The following NUDT16 variants were observed in gnomAD, a reference collection of about 807,000 sequenced individuals.
The protein encoded by NUDT16 is nudix hydrolase 16.
In NUDT16, 12 loss-of-function variants were observed where a neutral mutation model predicts 11.7. That is an observed-to-expected ratio of 1.03 (90% CI 0.66 to 1.67). NUDT16 has a LOEUF of 1.67. NUDT16 is among the 40% of genes most tolerant of loss of function. The probability of loss-of-function intolerance (pLI) is 0.00; values close to 1 mark genes in which losing one functional copy is unlikely to be tolerated. For missense variants in NUDT16, 303 were observed against 268.9 expected (o/e 1.13, Z -0.89); for synonymous variants, 129 against 122.6 (o/e 1.05, Z -0.35).
rs2097459601 is a variant in NUDT16, at chr3:131,385,823, G to C, written c.*2482G>C. On this transcript the variant is annotated 3_prime_UTR_variant, in exon 3 of 3. Transcript: ENST00000521288. ...GCTTCATCTGTGCTTTGTGCACTTG[G>C]TTCTCAGTCATCTCTGCAAGGGACC... 1 of 152,232 alleles carries C rather than the reference G, an allele frequency of 6.6e-6. No homozygotes were observed. Among genetic ancestry groups the C allele is most frequent in the African/African-American group, 2.4e-5 (1 of 41,430 alleles). 9.4% of individuals were successfully genotyped at this position (152,232 alleles called of 1,614,324 possible). A position where few individuals can be genotyped will look rare whatever the true frequency, so the allele number is the denominator to read the frequency against.
chr3:131,383,505 C>T lies in NUDT16; in HGVS notation c.*164C>T. On this transcript the variant is annotated 3_prime_UTR_variant, in exon 3 of 3. Coordinates refer to ENST00000521288, the MANE Select transcript of NUDT16 (RefSeq NM_152395.3). The surrounding 1 kb of genome is among the most constrained non-coding windows in gnomAD (Gnocchi z 4.4). Reference sequence around the variant, plus strand: ...CATATGTTTTGAGCAGAGGACCCTCCAACTTATGGCATCAGGGGCAAAAAG... The same window carrying T: ...CATATGTTTTGAGCAGAGGACCCTCTAACTTATGGCATCAGGGGCAAAAAG... 6.8e-7 allele frequency: 1 copy of T among 1,468,238 alleles called. No homozygotes were observed. Among genetic ancestry groups the T allele is most frequent in the Non-Finnish European group, 9.1e-7 (1 of 1,104,422 alleles). 91.0% of individuals were successfully genotyped at this position (1,468,238 alleles called of 1,614,324 possible).
In NUDT16 at chr3:131,381,833, G is replaced by C. The variant is rs1261131985; in HGVS notation, c.29G>C (p.Gly10Ala). 1 of 1,583,844 alleles carries C rather than the reference G, an allele frequency of 6.3e-7. No individual in the cohort carries two copies. Among genetic ancestry groups the C allele is most frequent in the Non-Finnish European group, 8.5e-7 (1 of 1,171,304 alleles). Residue 10 changes from glycine to alanine, a missense_variant, in exon 1 of 3, where the codon GGC (glycine) becomes GCC (alanine). By Grantham distance (60) the Gly-to-Ala change is moderately conservative (BLOSUM62 0). Transcript: ENST00000521288. MAGARRLEL[G>A]EALALGSGWR... ...GCCGGAGCCCGCAGGCTGGAGCTAGGCGAGGCCCTGGCGCTGGGGTCGGGC... is the reference window on the plus strand; with the variant it reads ...GCCGGAGCCCGCAGGCTGGAGCTAGCCGAGGCCCTGGCGCTGGGGTCGGGC...
At chr3:131,382,420 CT>C in intron 2 of NUDT16, 105 bp downstream of exon 2, 1 of 1,549,124 alleles carries the variant, frequency 6.5e-7, no homozygotes, top group African/African-American at 1.4e-5. Context: ...CCCCTCTGAC[CT>C]TGCCCTCTCC....
In NUDT16 at chr3:131,383,334, A is replaced by T; in HGVS notation, c.581A>T (p.His194Leu). Residue 194 changes from histidine (H) to leucine (L), a missense_variant, in exon 3 of 3, where the codon CAT (histidine) becomes CTT (leucine). His to Leu is a moderately conservative substitution (Grantham distance 99, BLOSUM62 -3). Transcript: ENST00000521288. The surrounding 1 kb of genome is among the most constrained non-coding windows in gnomAD (Gnocchi z 4.4). ...ATTTCAGGCCTTAAGATTCCAGCTCATCACTAGAGGCAGCCCTCCATGGAC... is the reference window on the plus strand; with the variant it reads ...ATTTCAGGCCTTAAGATTCCAGCTCTTCACTAGAGGCAGCCCTCCATGGAC... ...GSISGLKIPA[H>L]H 1 of 1,614,110 alleles carries T rather than the reference A, an allele frequency of 6.2e-7. No individual in the cohort carries two copies. Among genetic ancestry groups the T allele is most frequent in the Non-Finnish European group, 8.5e-7 (1 of 1,179,986 alleles).
chr3:131,381,981 C>G (rs1321962253), intron 1 of NUDT16, 39 bp downstream of exon 1: 1 of 1,597,070 alleles, frequency 6.3e-7, no homozygotes, highest in Non-Finnish European at 8.5e-7. Flanking sequence ...CTGCCTGAGC[C>G]CCGCACCCTC....
rs775948185 is a variant in NUDT16 at position 131,383,426 on chromosome 3, T to C, written c.*85T>C. ...GGAAGGACGTGGGAATGTTTTCTTA[T>C]TGGATCTGAGAGATGATACATGATA... is the stretch of plus-strand genomic sequence containing the variant. On this transcript the variant is annotated 3_prime_UTR_variant, in exon 3 of 3. Coordinates refer to ENST00000521288, the MANE Select transcript of NUDT16 (RefSeq NM_152395.3). This position sits in a 1 kb window ranked among gnomAD's most constrained non-coding sequence, Gnocchi z 4.4. 8 of 1,575,114 alleles carry C rather than the reference T, an allele frequency of 5.1e-6. No individual in the cohort carries two copies. The highest frequency in any genetic ancestry group is 1.3e-5 in the African/African-American group (1 of 74,356).
rs1287714487 is a variant in NUDT16 at position 131,383,190 on chromosome 3, A to G, written c.437A>G (p.Tyr146Cys). Reference protein sequence around the residue: ...EVLGLVRVPLYTLRDGVGGLP... With the variant: ...EVLGLVRVPLCTLRDGVGGLP... ...CTGGGCCTGGTGCGAGTGCCCCTGT[A>G]TACCCTGCGGGATGGTGTAGGAGGC... The change falls in exon 3 of 3, where the codon TAT (tyrosine) becomes TGT (cysteine). Residue 146 changes from tyrosine (Y) to cysteine (C), a missense_variant. Tyr to Cys is a radical substitution (Grantham distance 194, BLOSUM62 -2). Transcript: ENST00000521288. The surrounding 1 kb of genome is among the most constrained non-coding windows in gnomAD (Gnocchi z 4.4). The G allele has an allele frequency of 1.2e-6, 2 of 1,613,232 alleles. No homozygotes were observed. Among genetic ancestry groups the G allele is most frequent in the Admixed American group, 1.7e-5 (1 of 60,014 alleles).
Position 131,388,809 on chromosome 3 carries a change from T to C in NUDT16, c.*5468T>C, listed in dbSNP as rs2110664152. The C allele has an allele frequency of 6.6e-6, 1 of 152,296 alleles. No individual in the cohort carries two copies. Among genetic ancestry groups the C allele is most frequent in the Non-Finnish European group, 1.5e-5 (1 of 68,022 alleles). The allele number at this position is 152,296 out of a possible 1,614,324, so 9.4% of individuals were successfully genotyped here. A position where few individuals can be genotyped will look rare whatever the true frequency, so the allele number is the denominator to read the frequency against. On this transcript the variant is annotated 3_prime_UTR_variant, in exon 3 of 3. Transcript: ENST00000521288. ...ATAATAAATATTTTATAAATAACAA[T>C]AAATCATTTGATTTTATGCTAGTTC... is the stretch of plus-strand genomic sequence containing the variant.
In NUDT16 at chr3:131,383,148, C is replaced by G; in HGVS notation, c.409-14C>G. Reference sequence around the variant, plus strand: ...CCTGGGGCCCTAGTGTCTCCTGTCTCCTTCCTTTTACAGGTGCTGGGCCTG... The same window carrying G: ...CCTGGGGCCCTAGTGTCTCCTGTCTGCTTCCTTTTACAGGTGCTGGGCCTG... On this transcript the variant is annotated splice_polypyrimidine_tract_variant and intron_variant, in intron 2 of 2. Coordinates refer to ENST00000521288, the MANE Select transcript of NUDT16 (RefSeq NM_152395.3). This position sits in a 1 kb window ranked among gnomAD's most constrained non-coding sequence, Gnocchi z 4.4. The G allele has an allele frequency of 2.5e-6, 4 of 1,608,840 alleles. No individual in the cohort carries two copies. Among genetic ancestry groups the G allele is most frequent in the Non-Finnish European group, 3.4e-6 (4 of 1,177,668 alleles).
rs1006391275 is a variant in NUDT16 at position 131,383,614 on chromosome 3, G to A, written c.*273G>A. 12 of 622,538 alleles carry A rather than the reference G, an allele frequency of 1.9e-5. No individual in the cohort carries two copies. Among genetic ancestry groups the A allele is most frequent in the Non-Finnish European group, 2.8e-5 (10 of 358,720 alleles). 38.6% of individuals were successfully genotyped at this position (622,538 alleles called of 1,614,324 possible). A position where few individuals can be genotyped will look rare whatever the true frequency, so the allele number is the denominator to read the frequency against. ...ATGCGTACAGCCTGGTAACCCCCAGGCATGCAAATATACAATCTGTAACAA... is the reference window on the plus strand; with the variant it reads ...ATGCGTACAGCCTGGTAACCCCCAGACATGCAAATATACAATCTGTAACAA... On this transcript the variant is annotated 3_prime_UTR_variant, in exon 3 of 3. Coordinates refer to ENST00000521288, the MANE Select transcript of NUDT16 (RefSeq NM_152395.3). The surrounding 1 kb of genome is among the most constrained non-coding windows in gnomAD (Gnocchi z 4.4).
Position 131,383,374 on chromosome 3 carries a change from A to C in NUDT16, c.*33A>C, listed in dbSNP as rs2097457456. The C allele has an allele frequency of 6.2e-7, 1 of 1,613,166 alleles. No individual in the cohort carries two copies. The highest frequency in any genetic ancestry group is 8.5e-7 in the Non-Finnish European group (1 of 1,179,752). ...CCTCCATGGACCCATGAAAACTGAG[A>C]TGAGGACCTTGGTACTAGGGAGGGA... On this transcript the variant is annotated 3_prime_UTR_variant, in exon 3 of 3. Transcript: ENST00000521288. This position sits in a 1 kb window ranked among gnomAD's most constrained non-coding sequence, Gnocchi z 4.4.
chr3:131,383,556 C>A lies in NUDT16; in HGVS notation c.*215C>A. The stretch of plus-strand genomic sequence containing the variant: ...TCACAGCTTATCCCAGGCACCCTGG[C>A]AGGTTCTCAGAGCCTGCCTCCTCCC... On this transcript the variant is annotated 3_prime_UTR_variant, in exon 3 of 3. Coordinates refer to ENST00000521288, the MANE Select transcript of NUDT16 (RefSeq NM_152395.3). This position sits in a 1 kb window ranked among gnomAD's most constrained non-coding sequence, Gnocchi z 4.4. The A allele has an allele frequency of 4.6e-6, 5 of 1,081,386 alleles. No homozygotes were observed. The highest frequency in any genetic ancestry group is 1.6e-5 in the African/African-American group (1 of 63,268). The allele number at this position is 1,081,386 out of a possible 1,614,324, so 67.0% of individuals were successfully genotyped here.
chr3:131,383,254 G>A lies in NUDT16; in HGVS notation c.501G>A (p.Ala167=), dbSNP rs148464732. The A allele has an allele frequency of 2.9e-4, 461 of 1,614,020 alleles. 1 individual carries two copies. Among genetic ancestry groups the A allele is most frequent in the Middle Eastern group, 2.8e-3 (17 of 6,080 alleles). ...TFLENSFIGS[A]REQLLEALQD... ...TGGAGAATTCCTTTATTGGCTCTGC[G>A]CGGGAGCAGTTACTTGAAGCTCTCC... The change falls in exon 3 of 3, where the codon GCG becomes GCA. Residue 167 remains alanine (A), a synonymous_variant. Coordinates refer to ENST00000521288, the MANE Select transcript of NUDT16 (RefSeq NM_152395.3). This position sits in a 1 kb window ranked among gnomAD's most constrained non-coding sequence, Gnocchi z 4.4.
chr3:131,383,668 T>C lies in NUDT16; in HGVS notation c.*327T>C. On this transcript the variant is annotated 3_prime_UTR_variant, in exon 3 of 3. Coordinates refer to ENST00000521288, the MANE Select transcript of NUDT16 (RefSeq NM_152395.3). This position sits in a 1 kb window ranked among gnomAD's most constrained non-coding sequence, Gnocchi z 4.4. Reference sequence around the variant, plus strand: ...ACAGCCTGACACCTTCCCCTGGTCATGTCCAGTTTAACCTTGAAGTGGCAT... The same window carrying C: ...ACAGCCTGACACCTTCCCCTGGTCACGTCCAGTTTAACCTTGAAGTGGCAT... The C allele has an allele frequency of 1.8e-6, 1 of 561,454 alleles. No homozygotes were observed. Among genetic ancestry groups the C allele is most frequent in the Non-Finnish European group, 3.2e-6 (1 of 314,992 alleles). 34.8% of individuals were successfully genotyped at this position (561,454 alleles called of 1,614,324 possible). A position where few individuals can be genotyped will look rare whatever the true frequency, so the allele number is the denominator to read the frequency against.
At chr3:131,382,351 T>G (rs769510762) in intron 2 of NUDT16, 36 bp downstream of exon 2, 11 of 1,611,188 alleles carry the variant, frequency 6.8e-6, no homozygotes, top group African/African-American at 1.3e-5. Context: ...CTTTCCCAAT[T>G]TCCTCTTCTC....
In NUDT16 at chr3:131,383,565, A is replaced by C; in HGVS notation, c.*224A>C. On this transcript the variant is annotated 3_prime_UTR_variant, in exon 3 of 3. Coordinates refer to ENST00000521288, the MANE Select transcript of NUDT16 (RefSeq NM_152395.3). This position sits in a 1 kb window ranked among gnomAD's most constrained non-coding sequence, Gnocchi z 4.4. Reference sequence around the variant, plus strand: ...ATCCCAGGCACCCTGGCAGGTTCTCAGAGCCTGCCTCCTCCCTGTTTATAT... The same window carrying C: ...ATCCCAGGCACCCTGGCAGGTTCTCCGAGCCTGCCTCCTCCCTGTTTATAT... The C allele has an allele frequency of 1.1e-4, 100 of 908,014 alleles. No homozygotes were observed. The highest frequency in any genetic ancestry group is 1.5e-4 in the Non-Finnish European group (91 of 612,996). 56.2% of individuals were successfully genotyped at this position (908,014 alleles called of 1,614,324 possible).
At position 131,383,296 on chromosome 3, in the gene NUDT16, G is replaced by T. The variant is rs1475840316; in HGVS notation, c.543G>T (p.Leu181=). The change falls in exon 3 of 3, where the codon CTG becomes CTT. Residue 181 remains leucine (L), a synonymous_variant. Transcript: ENST00000521288. The surrounding 1 kb of genome is among the most constrained non-coding windows in gnomAD (Gnocchi z 4.4). Reference sequence around the variant, plus strand: ...AAGCTCTCCAGGACTTGGGACTGCTGCAGTCTGGCTCTATTTCAGGCCTTA... The same window carrying T: ...AAGCTCTCCAGGACTTGGGACTGCTTCAGTCTGGCTCTATTTCAGGCCTTA... ...LLEALQDLGL[L]QSGSISGLKI... 1 of 1,614,150 alleles carries T rather than the reference G, an allele frequency of 6.2e-7. No individual in the cohort carries two copies. The highest frequency in any genetic ancestry group is 2.2e-5 in the East Asian group (1 of 44,872).
Position 131,381,883 on chromosome 3 carries a change from C to T in NUDT16, c.79C>T (p.Leu27Phe), listed in dbSNP as rs1487425644. ...SGWRHACHAL[L>F]YAPDPGMLFG... ...CTGGCGTCATGCGTGCCACGCTCTC[C>T]TCTACGCGCCGGACCCTGGGATGCT... is the stretch of plus-strand genomic sequence containing the variant. The change falls in exon 1 of 3, where the codon CTC becomes TTC. Residue 27 changes from leucine to phenylalanine, a missense_variant. Leu to Phe is a conservative substitution (Grantham distance 22, BLOSUM62 0). Coordinates refer to ENST00000521288, the MANE Select transcript of NUDT16 (RefSeq NM_152395.3). 1.9e-6 allele frequency: 3 copies of T among 1,609,288 alleles called. No individual in the cohort carries two copies. Among genetic ancestry groups the T allele is most frequent in the Non-Finnish European group, 2.5e-6 (3 of 1,179,634 alleles).
Position 131,382,130 on chromosome 3 carries a change from C to T in NUDT16, c.223C>T (p.Arg75Cys). The change falls in exon 2 of 3, where the codon CGC (arginine) becomes TGC (cysteine). Residue 75 changes from arginine to cysteine, a missense_variant. Coordinates refer to ENST00000521288, the MANE Select transcript of NUDT16 (RefSeq NM_152395.3). Reference sequence around the variant, plus strand: ...CAGAAGCCTAGAGGACGGGCTGAACCGCGAGCTGCGCGAGGAGCTGGGCGA... The same window carrying T: ...CAGAAGCCTAGAGGACGGGCTGAACTGCGAGCTGCGCGAGGAGCTGGGCGA... ...QDRSLEDGLN[R>C]ELREELGEAA... The T allele has an allele frequency of 1.2e-6, 2 of 1,611,360 alleles. No individual in the cohort carries two copies. The highest frequency in any genetic ancestry group is 1.7e-6 in the Non-Finnish European group (2 of 1,178,972).
Sources: gnomAD v4.1 joint callset for allele counts on GRCh38, gnomAD v4.1.1 for gene constraint, Gnocchi (gnomAD v3.1) non-coding constraint, MANE v1.5 for transcripts, NCBI Gene and HGNC (gene_info 2026-07-23, HGNC 2026-07-21) for gene names.